Variants in EDIL3 observed in about 807,000 individuals in gnomAD.
EDIL3 encodes the protein EGF-like repeat and discoidin I-like domain-containing protein 3.
EDIL3 carries 37 observed loss-of-function variants against 67.4 expected under a neutral mutation model. The ratio of observed to expected loss-of-function variants is 0.55; its 90% CI spans 0.42 to 0.72. EDIL3 has a LOEUF of 0.72. Ranked by LOEUF, EDIL3 falls within the 30% of genes least tolerant of loss-of-function variation. EDIL3 has a pLI of 0.00. For synonymous variants in EDIL3, 195 were observed against 196.3 expected, an observed-to-expected ratio of 0.99 and a Z score of 0.05; for missense variants, 527 against 586.3, an observed-to-expected ratio of 0.90 and a Z score of 1.04.
At chr5:83,986,387 C>T (rs918339438) in intron 9 of EDIL3, among the ~76,000 whole-genome samples, 1 of 151,998 alleles carries the variant, frequency 6.6e-6, no homozygotes, top group Non-Finnish European at 1.5e-5. Context: ...AGCTTGGTGA[C>T]CTTAAATTAA....
intron 1 of EDIL3, among the ~76,000 whole-genome samples, chr5:84,291,590 C>T (rs1011422958): frequency 6.6e-6 from 1 of 150,714 alleles, no homozygotes; most frequent in Non-Finnish European, 1.5e-5. Flanking sequence ...AGATAGGTGA[C>T]TAACCACCAG....
chr5:84,060,847 G>T (rs917027230), intron 8 of EDIL3, among the ~76,000 whole-genome samples: 6 of 152,100 alleles, frequency 3.9e-5, no homozygotes, highest in African/African-American at 1.2e-4. Flanking sequence ...CAGTTTCATT[G>T]TGTCTTTAAA....
chr5:84,161,720 A>G (rs183116864), intron 4 of EDIL3, among the ~76,000 whole-genome samples: 1 of 152,270 alleles, frequency 6.6e-6, no homozygotes, highest in East Asian at 1.9e-4. Flanking sequence ...CCTCATTCCC[A>G]GCTTAGGCCT....
rs553121223 is a variant in EDIL3 at position 84,217,111 on chromosome 5, T to C, written c.226+12744A>G. 4.1e-5 allele frequency among the ~76,000 whole-genome samples: 6 copies of C among 147,392 alleles called. No homozygotes were observed. In the Middle Eastern group the frequency reaches 0.01, roughly 252 times the overall value. ...AATACCTCTTCATACTCTTATAATA[T>C]TTAACATTGGAGTAAATCCAAGGAC... is the stretch of plus-strand genomic sequence containing the variant. On this transcript the variant is annotated intron_variant, in intron 3 of 10. Transcript: ENST00000296591.
chr5:84,207,475 G>A (rs2112385253), intron 3 of EDIL3, among the ~76,000 whole-genome samples: 1 of 152,298 alleles, frequency 6.6e-6, no homozygotes, highest in South Asian at 2.1e-4. Flanking sequence ...TACTGCCCAA[G>A]GCAATTTATA....
intron 3 of EDIL3, among the ~76,000 whole-genome samples, chr5:84,188,872 T>A (rs1743520778): frequency 6.6e-6 from 1 of 151,940 alleles, no homozygotes; most frequent in African/African-American, 2.4e-5. Context: ...AAAACAAATT[T>A]CTGTTGTTTG....
intron 9 of EDIL3, among the ~76,000 whole-genome samples, chr5:83,975,336 C>A (rs937611865): frequency 4.6e-5 from 7 of 151,908 alleles, no homozygotes; most frequent in Non-Finnish European, 7.4e-5. Flanking sequence ...ACTATTCATG[C>A]ACTGTACTTT....
At chr5:84,168,859 C>T (rs1004691295) in intron 4 of EDIL3, among the ~76,000 whole-genome samples, 1 of 152,172 alleles carries the variant, frequency 6.6e-6, no homozygotes, top group African/African-American at 2.4e-5. Context: ...TACTCCCTTG[C>T]TGTCCACCTT....
At chr5:84,102,556 A>C (rs1441421898) in intron 6 of EDIL3, among the ~76,000 whole-genome samples, 1 of 151,980 alleles carries the variant, frequency 6.6e-6, no homozygotes, top group Non-Finnish European at 1.5e-5. Flanking sequence ...TATAGCAACC[A>C]CAGTCAAGCC....
At chr5:83,981,149 C>T (rs1336897961) in intron 9 of EDIL3, among the ~76,000 whole-genome samples, 1 of 152,032 alleles carries the variant, frequency 6.6e-6, no homozygotes, top group Non-Finnish European at 1.5e-5. Flanking sequence ...TCCTGAAATT[C>T]ATATGGAAAT....
intron 1 of EDIL3, among the ~76,000 whole-genome samples, chr5:84,336,220 A>G (rs1013819594): frequency 1.3e-5 from 2 of 152,230 alleles, no homozygotes; most frequent in Admixed American, 1.3e-4. Flanking sequence ...TGGAACTAGC[A>G]TGTTCAATGA....
At chr5:84,266,467 A>G (rs1745350584) in intron 1 of EDIL3, among the ~76,000 whole-genome samples, 1 of 152,154 alleles carries the variant, frequency 6.6e-6, no homozygotes, top group Non-Finnish European at 1.5e-5. Flanking sequence ...AATTCTCTAC[A>G]CAGTTTTGTC....
intron 4 of EDIL3, among the ~76,000 whole-genome samples, chr5:84,154,716 T>A (rs904318336): frequency 4.1e-5 from 6 of 147,258 alleles, no homozygotes; most frequent in African/African-American, 1.2e-4. Flanking sequence ...TTTTTTTTTT[T>A]AAAGACAGAG....
intron 9 of EDIL3, among the ~76,000 whole-genome samples, chr5:83,976,062 C>T (rs1235169538): frequency 6.6e-6 from 1 of 151,772 alleles, no homozygotes; most frequent in African/African-American, 2.4e-5. Flanking sequence ...ATAGGCCCAA[C>T]ACAAATGACT....
intron 10 of EDIL3, among the ~76,000 whole-genome samples, chr5:83,956,142 G>A (rs1370263933): frequency 1.3e-5 from 2 of 151,570 alleles, no homozygotes; most frequent in Non-Finnish European, 2.9e-5. Context: ...CTTACATTGG[G>A]CACTAGCCCT....
At chr5:83,999,960 C>G (rs559247132) in intron 9 of EDIL3, among the ~76,000 whole-genome samples, 5 of 151,276 alleles carry the variant, frequency 3.3e-5, no homozygotes, top group Non-Finnish European at 1.5e-5. Flanking sequence ...TCAGTGGAAA[C>G]TTTACAGGCC....
intron 9 of EDIL3, among the ~76,000 whole-genome samples, chr5:83,972,459 C>G (rs899573908): frequency 1.3e-5 from 2 of 151,992 alleles, no homozygotes; most frequent in Admixed American, 1.3e-4. Context: ...TTGTGCCCAT[C>G]ATCAACAGGA....
At chr5:84,158,036 T>C (rs1412852037) in intron 4 of EDIL3, among the ~76,000 whole-genome samples, 1 of 152,084 alleles carries the variant, frequency 6.6e-6, no homozygotes, top group Non-Finnish European at 1.5e-5. Context: ...ATTAAAGCAT[T>C]AAAATAGCAT....
At chr5:84,219,271 A>C (rs1744292686) in intron 3 of EDIL3, among the ~76,000 whole-genome samples, 1 of 152,240 alleles carries the variant, frequency 6.6e-6, no homozygotes, top group African/African-American at 2.4e-5. Context: ...TGGAAACTAC[A>C]CAAATACATG....
Sources: allele counts gnomAD v4.1 joint callset (sites outside exome capture counted in the v4.1 genomes callset), GRCh38; gene constraint gnomAD v4.1.1; transcripts MANE v1.5; gene names NCBI Gene and HGNC (gene_info 2026-07-23, HGNC 2026-07-21).